Variants in VPS50 observed in about 807,000 individuals in gnomAD.
The protein encoded by VPS50 is VPS50 subunit of EARP/GARPII complex.
Under a neutral mutation model 139.7 loss-of-function variants are expected in VPS50, and 70 were observed. That is an observed-to-expected ratio of 0.50 (90% CI 0.41 to 0.61). The LOEUF (loss-of-function observed/expected upper bound fraction) is 0.61. VPS50 is among the 20% of genes least tolerant of loss of function. The pLI is 0.00. For synonymous variants in VPS50, 365 were observed against 376.7 expected, an observed-to-expected ratio of 0.97 and a Z score of 0.36; for missense variants, 921 against 1,133.7, an observed-to-expected ratio of 0.81 and a Z score of 2.69.
At chr7:93,257,761 AG>A in intron 6 of VPS50, 1 of 260,050 alleles carries the variant, frequency 3.8e-6, no homozygotes, top group Non-Finnish European at 7.1e-6. Flanking sequence ...AATCTGTTAC[AG>A]GCTGTGATTT....
intron 20 of VPS50, among the ~76,000 whole-genome samples, chr7:93,318,279 T>C (rs1310423701): frequency 6.6e-6 from 1 of 152,042 alleles, no homozygotes; most frequent in Non-Finnish European, 1.5e-5. Context: ...GAAAACAACA[T>C]TGGAGATTTG....
At chr7:93,289,760 G>A (rs1166908927) in intron 12 of VPS50, among the ~76,000 whole-genome samples, 1 of 151,942 alleles carries the variant, frequency 6.6e-6, no homozygotes, top group Non-Finnish European at 1.5e-5. Flanking sequence ...TATTTGTAAA[G>A]AAAACACTAT....
At chr7:93,306,798 A>C (rs1459879563) in intron 18 of VPS50, among the ~76,000 whole-genome samples, 1 of 151,980 alleles carries the variant, frequency 6.6e-6, no homozygotes, top group Non-Finnish European at 1.5e-5. Flanking sequence ...ATGAAGCTAA[A>C]GTGAAAACCA....
At chr7:93,342,310 C>G (rs897512794) in intron 23 of VPS50, among the ~76,000 whole-genome samples, 1 of 152,226 alleles carries the variant, frequency 6.6e-6, no homozygotes, top group Admixed American at 6.5e-5. Flanking sequence ...TATCCCGCAC[C>G]TGGCTCGGAG....
At chr7:93,319,040 C>A (rs1797521181) in intron 20 of VPS50, among the ~76,000 whole-genome samples, 1 of 152,138 alleles carries the variant, frequency 6.6e-6, no homozygotes, top group Non-Finnish European at 1.5e-5. Flanking sequence ...CCTGTGAAAT[C>A]TTGGGTCAGA....
chr7:93,289,692 C>T (rs73218094), intron 12 of VPS50, among the ~76,000 whole-genome samples: 6,328 of 151,936 alleles, frequency 0.042, 170 homozygotes, highest in African/African-American at 0.064. Flanking sequence ...CTTACGTATT[C>T]TGGAGGAATA....
chr7:93,356,007 A>T lies in VPS50; in HGVS notation c.2702A>T (p.Glu901Val). Residue 901 changes from glutamate (E) to valine (V), a missense_variant, in exon 27 of 28, where the codon GAA (glutamate) becomes GTA (valine). By Grantham distance (121) the Glu-to-Val change is moderately radical. This residue lies in a region of VPS50 where 158 missense variants were observed against 156.3 expected (regional missense o/e 1.01). Coordinates refer to ENST00000305866, the MANE Select transcript of VPS50 (RefSeq NM_017667.4). The part of the protein sequence containing the change: ...LTDIRPIPDK[E>V]FVETYIKAYY... ...GATATTAGACCCATTCCTGATAAAG[A>T]ATTTGTAGAAACTTATATTAAAGCT... 6.3e-7 allele frequency: 1 copy of T among 1,583,838 alleles called. No individual in the cohort carries two copies. Among genetic ancestry groups the T allele is most frequent in the South Asian group, 1.1e-5 (1 of 87,572 alleles).
intron 19 of VPS50, 61 bp from the exon 20 acceptor site, chr7:93,311,105 C>T: frequency 1.3e-6 from 1 of 800,000 alleles, no homozygotes; most frequent in Non-Finnish European, 2.3e-6. Context: ...ACCTATCTGA[C>T]TAACTTATTG....
chr7:93,349,825 A>G (rs758509978), intron 24 of VPS50, 50 bp from the exon 25 acceptor site: 14 of 1,439,816 alleles, frequency 9.7e-6, no homozygotes, highest in Non-Finnish European at 1.3e-5. Context: ...CTTTATCAAT[A>G]TGATACTTTT....
At chr7:93,301,040 T>C (rs1796959332) in intron 16 of VPS50, among the ~76,000 whole-genome samples, 1 of 152,144 alleles carries the variant, frequency 6.6e-6, no homozygotes, top group East Asian at 1.9e-4. Flanking sequence ...TTCACGCCTA[T>C]AATCCCAGCA....
chr7:93,243,862 T>TA, intron 2 of VPS50, among the ~76,000 whole-genome samples: 1 of 152,052 alleles, frequency 6.6e-6, no homozygotes, highest in South Asian at 2.1e-4. Context: ...CCTTTATTAA[T>TA]ATACACTTTC....
At chr7:93,269,009 G>A (rs1327767882) in intron 9 of VPS50, among the ~76,000 whole-genome samples, 2 of 152,080 alleles carry the variant, frequency 1.3e-5, no homozygotes, top group Non-Finnish European at 2.9e-5. Flanking sequence ...GCAAGATGAC[G>A]CTGAGATTTT....
intron 14 of VPS50, among the ~76,000 whole-genome samples, chr7:93,295,800 G>A (rs747900424): frequency 1.3e-5 from 2 of 151,988 alleles, no homozygotes; most frequent in Non-Finnish European, 2.9e-5. Flanking sequence ...TCATGGCCCA[G>A]TGCAGCCTCG....
chr7:93,309,783 T>A (rs1421303895), intron 19 of VPS50, among the ~76,000 whole-genome samples: 1 of 151,976 alleles, frequency 6.6e-6, no homozygotes, highest in Non-Finnish European at 1.5e-5. Context: ...TCTGGAATGT[T>A]AAAATGACTT....
chr7:93,351,973 C>G (rs1775886385), intron 25 of VPS50, among the ~76,000 whole-genome samples: 1 of 152,122 alleles, frequency 6.6e-6, no homozygotes, highest in Non-Finnish European at 1.5e-5. Flanking sequence ...GGTTAATTAT[C>G]TGTGATAACT....
chr7:93,268,509 G>A (rs1017506877), intron 9 of VPS50, among the ~76,000 whole-genome samples: 2 of 152,024 alleles, frequency 1.3e-5, no homozygotes, highest in African/African-American at 2.4e-5. Flanking sequence ...GCCCCACTGT[G>A]TTGTTCCCCT....
rs531545094 is a variant in VPS50, at chr7:93,337,659, A to G, written c.2058+3462A>G. Among the ~76,000 whole-genome samples the G allele has an allele frequency of 1.3e-3, 195 of 152,318 alleles. 2 individuals carry two copies. The Middle Eastern group carries it at 0.031, about 24-fold the overall frequency. On this transcript the variant is annotated intron_variant, in intron 22 of 27. Coordinates refer to ENST00000305866, the MANE Select transcript of VPS50 (RefSeq NM_017667.4). ...TTGTCAGAAAATTCATATCAGATTT[A>G]GCTTAATTATACAATATTTTAAAAG...
At chr7:93,335,606 CTT>C (rs1245969812) in intron 22 of VPS50, among the ~76,000 whole-genome samples, 8 of 151,594 alleles carry the variant, frequency 5.3e-5, no homozygotes, top group Non-Finnish European at 1.2e-4. Flanking sequence ...TGTTTTTAGT[CTT>C]TGTTTTGTAA....
intron 2 of VPS50, among the ~76,000 whole-genome samples, chr7:93,247,466 T>C (rs1026311315): frequency 6.6e-6 from 1 of 151,974 alleles, no homozygotes; most frequent in African/African-American, 2.4e-5. Context: ...ACTTTTGCTT[T>C]GCTTTATATT....
Sources: allele counts gnomAD v4.1 joint callset (sites outside exome capture counted in the v4.1 genomes callset), GRCh38; gene constraint gnomAD v4.1.1; regional missense constraint gnomAD v4.1.1; transcripts MANE v1.5; gene names NCBI Gene and HGNC (gene_info 2026-07-23, HGNC 2026-07-21).